TNFRSF13B: variants seen among roughly 807,000 people sequenced by gnomAD.
TNFRSF13B encodes TNF receptor superfamily member 13B, also known as tumor necrosis factor receptor superfamily member 13B.
TNFRSF13B carries 34 observed loss-of-function variants against 24.0 expected under a neutral mutation model. The observed-to-expected ratio is 1.41, with a 90% CI of 1.08 to 1.88. The LOEUF (loss-of-function observed/expected upper bound fraction) is 1.88, where lower values mean the gene tolerates loss of function less well. Among genes scored for constraint, TNFRSF13B ranks in the 40% most tolerant of loss-of-function variants. TNFRSF13B has a pLI of 0.00. For synonymous variants in TNFRSF13B, 173 were observed against 150.3 expected, an observed-to-expected ratio of 1.15 and a Z score of -1.10; for missense variants, 415 against 380.8, an observed-to-expected ratio of 1.09 and a Z score of -0.75.
rs765685046 is a variant in TNFRSF13B, at chr17:16,939,789, T to C, written c.640A>G (p.Met214Val). 1.2e-6 allele frequency: 2 copies of C among 1,611,264 alleles called. No individual in the cohort carries two copies. The highest frequency in any genetic ancestry group is 2.7e-5 in the African/African-American group (2 of 74,884). The change falls in exon 5 of 5, where the codon ATG becomes GTG. Residue 214 changes from methionine (M) to valine (V), a missense_variant. Met to Val is a conservative substitution (Grantham distance 21). Transcript: ENST00000261652. Reference sequence around the variant, plus strand: ...GTGCTCACAGGGCTGCCGGCTTCCATCGCGTGATCTGCAGAGGCGAGAGTG... The same window carrying C: ...GTGCTCACAGGGCTGCCGGCTTCCACCGCGTGATCTGCAGAGGCGAGAGTG... ...SPAKSSQDHA[M>V]EAGSPVSTSP... is the part of the protein sequence containing the mutation.
chr17:16,968,451 T>C (rs59100952), intron 1 of TNFRSF13B, among the ~76,000 whole-genome samples: 43,335 of 152,090 alleles, frequency 0.28, 7,305 homozygotes, highest in East Asian at 0.88. Context: ...ACCCAGACTA[T>C]TCAATGGGAG....
At chr17:16,960,933 T>C (rs970519947) in intron 1 of TNFRSF13B, among the ~76,000 whole-genome samples, 3 of 152,148 alleles carry the variant, frequency 2.0e-5, no homozygotes, top group African/African-American at 7.2e-5. Context: ...AAGTCAAAAC[T>C]GAGCAAAAGG....
chr17:16,943,295 A>G (rs148403901), intron 3 of TNFRSF13B, among the ~76,000 whole-genome samples: 3 of 152,318 alleles, frequency 2.0e-5, no homozygotes, highest in African/African-American at 7.2e-5. Flanking sequence ...GAGAGAAGCC[A>G]TGTGAAGACA....
intron 1 of TNFRSF13B, among the ~76,000 whole-genome samples, chr17:16,966,394 A>G (rs1356445602): frequency 6.6e-6 from 1 of 152,246 alleles, no homozygotes; most frequent in East Asian, 1.9e-4. Context: ...CTAAAGAATA[A>G]GCAGAAAAAT....
chr17:16,943,526 G>A (rs570422127), intron 3 of TNFRSF13B, among the ~76,000 whole-genome samples: 3 of 152,192 alleles, frequency 2.0e-5, no homozygotes, highest in African/African-American at 7.2e-5. Flanking sequence ...ATTGCCAGAA[G>A]TAGCCTCTCA....
At chr17:16,940,833 G>A (rs994525565) in intron 3 of TNFRSF13B, 6 of 1,264,406 alleles carry the variant, frequency 4.7e-6, no homozygotes, top group African/African-American at 1.5e-5. Flanking sequence ...ACGAACAGAC[G>A]ATGCTCCAGG....
chr17:16,946,896 T>C (rs1257385113), intron 3 of TNFRSF13B, among the ~76,000 whole-genome samples: 1 of 151,520 alleles, frequency 6.6e-6, no homozygotes. Context: ...CCTTCTCTTT[T>C]TACAATTTTT....
chr17:16,961,301 C>A (rs182127807), intron 1 of TNFRSF13B, among the ~76,000 whole-genome samples: 1 of 152,308 alleles, frequency 6.6e-6, no homozygotes, highest in Non-Finnish European at 1.5e-5. Context: ...CCCCAACATT[C>A]AGAACAGCAT....
intron 1 of TNFRSF13B, among the ~76,000 whole-genome samples, chr17:16,965,298 G>C (rs1347056126): frequency 6.6e-6 from 1 of 152,056 alleles, no homozygotes; most frequent in East Asian, 1.9e-4. Context: ...AATGATAGTA[G>C]CATCAAATTA....
intron 3 of TNFRSF13B, 137 bp from the exon 4 acceptor site, chr17:16,940,648 T>C: frequency 2.0e-6 from 3 of 1,509,822 alleles, no homozygotes; most frequent in South Asian, 2.5e-5. Flanking sequence ...TTTCTGACCC[T>C]GAGGCTGCTG....
intron 1 of TNFRSF13B, among the ~76,000 whole-genome samples, chr17:16,966,552 A>C (rs1490025683): frequency 6.6e-6 from 1 of 152,216 alleles, no homozygotes; most frequent in East Asian, 1.9e-4. Context: ...AGATTGTTAA[A>C]ACTCCAAAAG....
At chr17:16,951,075 G>A (rs1453467316) in intron 2 of TNFRSF13B, among the ~76,000 whole-genome samples, 1 of 152,170 alleles carries the variant, frequency 6.6e-6, no homozygotes, top group African/African-American at 2.4e-5. Flanking sequence ...CTATGTTTGT[G>A]GGATGAACCA....
At chr17:16,954,381 C>G (rs2087610864) in intron 1 of TNFRSF13B, among the ~76,000 whole-genome samples, 1 of 152,156 alleles carries the variant, frequency 6.6e-6, no homozygotes, top group Admixed American at 6.5e-5. Context: ...GAGACCCAGT[C>G]TCTAAAAAAG....
intron 1 of TNFRSF13B, among the ~76,000 whole-genome samples, chr17:16,967,962 C>T (rs763286818): frequency 6.7e-6 from 1 of 149,516 alleles, no homozygotes; most frequent in African/African-American, 2.5e-5. Context: ...ACGGTGAAAC[C>T]GCATCTCTAC....
chr17:16,945,966 C>T (rs900250770), intron 3 of TNFRSF13B, among the ~76,000 whole-genome samples: 1 of 152,204 alleles, frequency 6.6e-6, no homozygotes, highest in African/African-American at 2.4e-5. Flanking sequence ...ACTCCTGTAT[C>T]GTCATGAGAT....
intron 1 of TNFRSF13B, among the ~76,000 whole-genome samples, chr17:16,964,889 C>G (rs1474736144): frequency 6.6e-6 from 1 of 152,082 alleles, no homozygotes; most frequent in African/African-American, 2.4e-5. Context: ...TGTGCACAAC[C>G]TCAGTTTTCC....
intron 3 of TNFRSF13B, chr17:16,941,345 C>T: frequency 9.1e-6 from 9 of 987,706 alleles, no homozygotes; most frequent in Non-Finnish European, 1.1e-5. Flanking sequence ...CCTGGCCACC[C>T]TATGACTCAG....
intron 1 of TNFRSF13B, among the ~76,000 whole-genome samples, chr17:16,969,770 T>A (rs1433261329): frequency 1.3e-5 from 2 of 152,178 alleles, no homozygotes; most frequent in African/African-American, 4.8e-5. Flanking sequence ...CTATTATATA[T>A]CTTTCAATAC....
At chr17:16,953,866 T>C (rs1266792444) in intron 1 of TNFRSF13B, among the ~76,000 whole-genome samples, 1 of 151,970 alleles carries the variant, frequency 6.6e-6, no homozygotes, top group Non-Finnish European at 1.5e-5. Context: ...ACCTCCCGGG[T>C]TCAAGCAGTT....
Sources: allele counts gnomAD v4.1 joint callset (sites outside exome capture counted in the v4.1 genomes callset), GRCh38; gene constraint gnomAD v4.1.1; transcripts MANE v1.5; gene names NCBI Gene and HGNC (gene_info 2026-07-23, HGNC 2026-07-21).